The following TLN2 variants were observed in gnomAD, a reference collection of about 807,000 sequenced individuals.
TLN2 encodes talin-2.
TLN2 carries 118 observed loss-of-function variants against 294.7 expected under a neutral mutation model. The ratio of observed to expected loss-of-function variants is 0.40; its 90% CI spans 0.34 to 0.47. The LOEUF (loss-of-function observed/expected upper bound fraction) is 0.47. Among genes scored for constraint, TLN2 ranks in the 20% least tolerant of loss-of-function variants. The probability of loss-of-function intolerance (pLI) is 0.84; values close to 1 mark genes in which losing one functional copy is unlikely to be tolerated. For synonymous variants in TLN2, 1,431 were observed against 1,304.5 expected, an observed-to-expected ratio of 1.10 and a Z score of -2.09; for missense variants, 3,083 against 3,282.2, an observed-to-expected ratio of 0.94 and a Z score of 1.48.
chr15:62,662,705 A>C (rs1213094143), intron 9 of TLN2, among the ~76,000 whole-genome samples: 1 of 152,240 alleles, frequency 6.6e-6, no homozygotes, highest in Non-Finnish European at 1.5e-5. Flanking sequence ...CTAGTGCGGA[A>C]AGAAAGATGA....
At chr15:62,568,851 A>G (rs1317096177) in intron 1 of TLN2, among the ~76,000 whole-genome samples, 3 of 152,124 alleles carry the variant, frequency 2.0e-5, no homozygotes, top group African/African-American at 7.2e-5. Context: ...CAGAATCTCG[A>G]GGCTAGATAA....
chr15:62,411,437 G>A (rs1171215544), intron 1 of TLN2, among the ~76,000 whole-genome samples: 2 of 139,038 alleles, frequency 1.4e-5, no homozygotes, highest in East Asian at 4.8e-4. Context: ...GGATGTGTGT[G>A]TGTGTGTGTG....
intron 1 of TLN2, among the ~76,000 whole-genome samples, chr15:62,493,030 A>G (rs1449740068): frequency 6.6e-6 from 1 of 152,034 alleles, no homozygotes; most frequent in Non-Finnish European, 1.5e-5. Context: ...AAAATCTGGA[A>G]CTCACTAATT....
intron 1 of TLN2, among the ~76,000 whole-genome samples, chr15:62,411,459 G>GTGTA (rs1399056110): frequency 6.6e-6 from 1 of 151,642 alleles, no homozygotes; most frequent in Non-Finnish European, 1.5e-5. Context: ...GTGTGTGTGT[G>GTGTA]TGTGTGTGTG....
chr15:62,601,676 CTAGAA>C (rs1216878210), intron 2 of TLN2, among the ~76,000 whole-genome samples: 1 of 152,126 alleles, frequency 6.6e-6, no homozygotes, highest in Non-Finnish European at 1.5e-5. Flanking sequence ...TGTTTATATA[CTAGAA>C]TACTTATATA....
chr15:62,663,663 G>C (rs1239749634), intron 9 of TLN2, among the ~76,000 whole-genome samples: 1 of 151,850 alleles, frequency 6.6e-6, no homozygotes, highest in Non-Finnish European at 1.5e-5. Context: ...AAAAAAGGGA[G>C]TTACCTTTTA....
chr15:62,787,094 C>T (rs994964630), intron 45 of TLN2, among the ~76,000 whole-genome samples: 4 of 152,112 alleles, frequency 2.6e-5, no homozygotes. Flanking sequence ...CAAGGTCTCA[C>T]TATGTTGCCC....
chr15:62,656,148 C>T (rs2053182686), intron 8 of TLN2, 62 bp downstream of exon 8: 1 of 1,591,368 alleles, frequency 6.3e-7, no homozygotes, highest in Non-Finnish European at 8.6e-7. Flanking sequence ...CTGGCTGTAT[C>T]TTGTGGCGAG....
At position 62,572,394 on chromosome 15, in the gene TLN2, C is replaced by T. The variant is rs182144545; in HGVS notation, c.-237-17293C>T. Among the ~76,000 whole-genome samples the T allele has an allele frequency of 3.8e-3, 585 of 152,240 alleles. 5 individuals are homozygous for T. The highest frequency in any genetic ancestry group is 0.014 in the African/African-American group (562 of 41,536). Reference sequence around the variant, plus strand: ...TAGCTGGGACTACAGCTGTGTGCCACCACACCCAGCTAATTTTTTGTTTTT... The same window carrying T: ...TAGCTGGGACTACAGCTGTGTGCCATCACACCCAGCTAATTTTTTGTTTTT... On this transcript the variant is annotated intron_variant, in intron 1 of 58. Transcript: ENST00000636159.
intron 57 of TLN2, 40 bp from the exon 58 acceptor site, chr15:62,838,816 T>A (rs765339147): frequency 1.2e-6 from 2 of 1,604,688 alleles, no homozygotes; most frequent in Non-Finnish European, 1.7e-6. Context: ...CCCAAATGGC[T>A]GTTTCTAATG....
intron 22 of TLN2, among the ~76,000 whole-genome samples, chr15:62,713,227 T>C (rs12443397): frequency 0.88 from 129,526 of 146,714 alleles, 58,313 homozygotes; most frequent in Non-Finnish European, 0.97. Context: ...GCCAAGATCG[T>C]GCCACTGCAC....
intron 1 of TLN2, among the ~76,000 whole-genome samples, chr15:62,399,031 C>A (rs754557109): frequency 6.6e-6 from 1 of 151,974 alleles, no homozygotes; most frequent in Admixed American, 6.5e-5. Flanking sequence ...GCATCCCAGC[C>A]GCTCCAGCAG....
intron 43 of TLN2, 134 bp from the exon 44 acceptor site, chr15:62,781,006 G>A (rs2064117070): frequency 1.5e-6 from 1 of 645,278 alleles, no homozygotes; most frequent in Non-Finnish European, 2.7e-6. Flanking sequence ...GCACAAGTTG[G>A]GTAATTGAGT....
intron 15 of TLN2, among the ~76,000 whole-genome samples, chr15:62,698,252 G>A (rs992127691): frequency 6.6e-6 from 1 of 152,192 alleles, no homozygotes; most frequent in African/African-American, 2.4e-5. Context: ...TGGTCTGTCC[G>A]GCTCAGTGCC....
At chr15:62,649,760 T>C (rs912796508) in intron 4 of TLN2, among the ~76,000 whole-genome samples, 1 of 152,184 alleles carries the variant, frequency 6.6e-6, no homozygotes, top group African/African-American at 2.4e-5. Flanking sequence ...CTGGTTTTTA[T>C]AGCAAGGGAT....
chr15:62,504,172 G>A (rs114030570), intron 1 of TLN2, among the ~76,000 whole-genome samples: 2 of 152,098 alleles, frequency 1.3e-5, no homozygotes, highest in Non-Finnish European at 2.9e-5. Flanking sequence ...ACTCTGATAG[G>A]TCTCTCAAAT....
chr15:62,590,833 T>C (rs1280943870), intron 2 of TLN2, among the ~76,000 whole-genome samples: 1 of 152,212 alleles, frequency 6.6e-6, no homozygotes, highest in Non-Finnish European at 1.5e-5. Flanking sequence ...ATCAGTTCTG[T>C]TCCTGACCAG....
chr15:62,661,663 G>A (rs1274421984), intron 9 of TLN2, among the ~76,000 whole-genome samples: 1 of 152,148 alleles, frequency 6.6e-6, no homozygotes, highest in Non-Finnish European at 1.5e-5. Flanking sequence ...CTCATTGAAT[G>A]GAAGTTTTTT....
rs2062725674 is a variant in TLN2, at chr15:62,762,294, TC to T, written c.4804del (p.Leu1602TrpfsTer103). 6.2e-7 allele frequency: 1 copy of T among 1,614,196 alleles called. No individual in the cohort carries two copies. The highest frequency in any genetic ancestry group is 8.5e-7 in the Non-Finnish European group (1 of 1,180,042). On this transcript the variant is annotated frameshift_variant, in exon 39 of 59. Coordinates refer to ENST00000636159, the MANE Select transcript of TLN2 (RefSeq NM_015059.3). LOFTEE classifies it high-confidence loss of function. The part of the protein sequence containing the change: ...SSEGSQAQEP[I>X]LVSAKTMLES... ...CAGGGTTCCCAGGCACAGGAACCAA[TC>T]CTGGTCTCAGCCAAGACCATGCTGG... is the stretch of plus-strand genomic sequence containing the variant.
Sources: allele counts gnomAD v4.1 joint callset (sites outside exome capture counted in the v4.1 genomes callset), GRCh38; gene constraint gnomAD v4.1.1; transcripts MANE v1.5; gene names NCBI Gene and HGNC (gene_info 2026-07-23, HGNC 2026-07-21).